OSTM1: variants seen among roughly 807,000 people sequenced by gnomAD.
OSTM1 encodes osteoclastogenesis associated transmembrane protein 1, also known as osteopetrosis-associated transmembrane protein 1.
Under a neutral mutation model 35.4 loss-of-function variants are expected in OSTM1, and 26 were observed. That is an observed-to-expected ratio of 0.73 (90% CI 0.54 to 1.02). The LOEUF (loss-of-function observed/expected upper bound fraction) is 1.02. Among genes scored for constraint, OSTM1 ranks in the 50% least tolerant of loss-of-function variants. The probability of loss-of-function intolerance (pLI) is 0.00; values close to 1 mark genes in which losing one functional copy is unlikely to be tolerated. For synonymous variants in OSTM1, 181 were observed against 165.0 expected (o/e 1.10, Z -0.75); for missense variants, 366 against 409.6 (o/e 0.89, Z 0.92).
At chr6:108,068,843 A>G (rs911453813) in intron 1 of OSTM1, among the ~76,000 whole-genome samples, 2 of 152,086 alleles carry the variant, frequency 1.3e-5, no homozygotes, top group African/African-American at 2.4e-5. Flanking sequence ...CAAAGTCTAA[A>G]ATCCTTAACA....
At position 108,064,213 on chromosome 6, in the gene OSTM1, A is replaced by C. The variant is rs780075878; in HGVS notation, c.489T>G (p.Asn163Lys). Residue 163 changes from asparagine (N) to lysine (K), a missense_variant, in exon 2 of 6, where the codon AAT becomes AAG. By Grantham distance (94) the Asn-to-Lys change is moderately conservative. Coordinates refer to ENST00000193322, the MANE Select transcript of OSTM1 (RefSeq NM_014028.4). The stretch of plus-strand genomic sequence containing the variant: ...CACAATTTGCCTCCTGCCATGTGGT[A>C]TTAAAAAATTCTGAGAGAATCACAA... ...QIVVILSEFF[N>K]TTWQEANCAN... 1 of 1,595,812 alleles carries C rather than the reference A, an allele frequency of 6.3e-7. No individual in the cohort carries two copies. Among genetic ancestry groups the C allele is most frequent in the East Asian group, 2.2e-5 (1 of 44,744 alleles).
chr6:108,049,140 CCTTTTAGGCTAATCT>C (rs1772031817), intron 5 of OSTM1, 98 bp downstream of exon 5: 2 of 708,912 alleles, frequency 2.8e-6, no homozygotes. Flanking sequence ...AGCAGAGAGT[CCTTTTAGGCTAATCT>C]ACTTTGAGTT....
At position 108,073,959 on chromosome 6, in the gene OSTM1, G is replaced by A. The variant is rs1385875836; in HGVS notation, c.402+291C>T. ...CTCCAGGTGAAGATGAGAAGAAGCCGTGGTGGAGTGGGTGGAGGAAGAGCA... is the reference window on the plus strand; with the variant it reads ...CTCCAGGTGAAGATGAGAAGAAGCCATGGTGGAGTGGGTGGAGGAAGAGCA... On this transcript the variant is annotated intron_variant, in intron 1 of 5. Transcript: ENST00000193322. 2.0e-5 allele frequency among the ~76,000 whole-genome samples: 3 copies of A among 152,242 alleles called. No individual in the cohort carries two copies. In the East Asian group the frequency reaches 5.8e-4, roughly 29 times the overall value.
intron 2 of OSTM1, among the ~76,000 whole-genome samples, chr6:108,059,374 A>G (rs1306143404): frequency 6.6e-6 from 1 of 152,158 alleles, no homozygotes; most frequent in Non-Finnish European, 1.5e-5. Context: ...CCTTCCATCA[A>G]TTTCCAATAA....
chr6:108,042,125 G>A lies in OSTM1; in HGVS notation c.*2660C>T, dbSNP rs1757216149. On this transcript the variant is annotated 3_prime_UTR_variant, in exon 6 of 6. Coordinates refer to ENST00000193322, the MANE Select transcript of OSTM1 (RefSeq NM_014028.4). The stretch of plus-strand genomic sequence containing the variant: ...GTAACATTTACCAACTAGACTCTGG[G>A]CTACACTTTAAAATATCTGATGTTC... 6.6e-6 allele frequency: 1 copy of A among 151,440 alleles called. No individual in the cohort carries two copies. Among genetic ancestry groups the A allele is most frequent in the African/African-American group, 2.4e-5 (1 of 41,242 alleles). The allele number at this position is 151,440 out of a possible 1,614,324, so 9.4% of individuals were successfully genotyped here.
In OSTM1 at chr6:108,054,536, A is replaced by G; in HGVS notation, c.569T>C (p.Leu190Pro). 1 of 1,576,206 alleles carries G rather than the reference A, an allele frequency of 6.3e-7. No homozygotes were observed. The part of the protein sequence containing the change: ...EELSNSTVYF[L>P]NLFNHTLTCF... ...GGTCAGGGTGTGATTAAATAGATTA[A>G]GGAAATATACTGTGCTGTTTGATAA... The change falls in exon 3 of 6, where the codon CTT (leucine) becomes CCT (proline). Residue 190 changes from leucine to proline, a missense_variant. Leu to Pro is a moderately conservative substitution (Grantham distance 98). Coordinates refer to ENST00000193322, the MANE Select transcript of OSTM1 (RefSeq NM_014028.4).
At position 108,074,301 on chromosome 6, in the gene OSTM1, G is replaced by A. The variant is rs776360383; in HGVS notation, c.351C>T (p.Pro117=). Residue 117 remains proline (P), a synonymous_variant, in exon 1 of 6, where the codon CCC becomes CCT. Coordinates refer to ENST00000193322, the MANE Select transcript of OSTM1 (RefSeq NM_014028.4). ...TCTTGCTGACGACCTGTTGGAAGAG[G>A]GGGTAGCAGGTCTGACAGAGGCGCA... is the stretch of plus-strand genomic sequence containing the variant. ...RPVRLCQTCY[P]LFQQVVSKMD... is the part of the protein sequence containing the mutation. The A allele has an allele frequency of 1.9e-6, 3 of 1,612,452 alleles. No individual in the cohort carries two copies. The highest frequency in any genetic ancestry group is 2.5e-6 in the Non-Finnish European group (3 of 1,179,930).
chr6:108,071,767 G>T (rs923148474), intron 1 of OSTM1, among the ~76,000 whole-genome samples: 2 of 152,080 alleles, frequency 1.3e-5, no homozygotes, highest in Non-Finnish European at 2.9e-5. Flanking sequence ...CCGAGACCAA[G>T]GCCTAGGATG....
At chr6:108,051,319 G>C (rs1483797531) in intron 3 of OSTM1, 121 bp from the exon 4 acceptor site, 1 of 704,672 alleles carries the variant, frequency 1.4e-6, no homozygotes. Context: ...GTGCTAAGCT[G>C]TGATGTTGAG....
intron 2 of OSTM1, among the ~76,000 whole-genome samples, chr6:108,062,983 G>GCCCA (rs1189267889): frequency 2.5e-5 from 1 of 39,798 alleles, no homozygotes; most frequent in African/African-American, 1.3e-4. Flanking sequence ...TTATACCTCT[G>GCCCA]TGACTACCTG....
intron 2 of OSTM1, among the ~76,000 whole-genome samples, chr6:108,057,720 A>G (rs1187649238): frequency 1.3e-5 from 2 of 152,238 alleles, no homozygotes; most frequent in Admixed American, 6.5e-5. Flanking sequence ...TAAAGCATAA[A>G]GCAGTTCATT....
chr6:108,045,827 T>C (rs1017943568), intron 5 of OSTM1, among the ~76,000 whole-genome samples: 3 of 152,100 alleles, frequency 2.0e-5, no homozygotes, highest in African/African-American at 4.8e-5. Flanking sequence ...GAGTATTTTA[T>C]ACTGAGTAAC....
intron 5 of OSTM1, among the ~76,000 whole-genome samples, chr6:108,047,091 G>A (rs554615929): frequency 6.6e-6 from 1 of 152,292 alleles, no homozygotes; most frequent in East Asian, 1.9e-4. Flanking sequence ...TGAAAAAGAT[G>A]ATTTAAATAA....
intron 1 of OSTM1, among the ~76,000 whole-genome samples, chr6:108,068,854 T>C (rs376612926): frequency 3.3e-5 from 5 of 152,322 alleles, no homozygotes; most frequent in African/African-American, 1.2e-4. Flanking sequence ...ATCCTTAACA[T>C]ACCCTACAAG....
At chr6:108,064,350 G>A (rs1772340901) in intron 1 of OSTM1, 51 bp from the exon 2 acceptor site, 1 of 1,036,586 alleles carries the variant, frequency 9.6e-7, no homozygotes. Context: ...TTCAGACTTT[G>A]CAAACAACTT....
chr6:108,067,150 A>G (rs1412844474), intron 1 of OSTM1, among the ~76,000 whole-genome samples: 3 of 148,424 alleles, frequency 2.0e-5, no homozygotes, highest in Non-Finnish European at 3.0e-5. Flanking sequence ...CGCTATTTCA[A>G]ATCCTCTCCA....
chr6:108,074,250 C>A lies in OSTM1; in HGVS notation c.402G>T (p.Gly134=), dbSNP rs756543322. Reference sequence around the variant, plus strand: ...GTCCCGGACGTGGTCCTGTACCCACCCCCGCGGCTCGGCTGATGTTGTCCA... The same window carrying A: ...GTCCCGGACGTGGTCCTGTACCCACACCCGCGGCTCGGCTGATGTTGTCCA... ...SKMDNISRAA[G]NTSESQSCAR... Residue 134 remains glycine, a splice_region_variant and synonymous_variant, in exon 1 of 6, where the codon GGG becomes GGT. Transcript: ENST00000193322. The A allele has an allele frequency of 4.3e-6, 7 of 1,611,982 alleles. No individual in the cohort carries two copies. Among genetic ancestry groups the A allele is most frequent in the Non-Finnish European group, 5.9e-6 (7 of 1,179,948 alleles).
In OSTM1 at chr6:108,074,717, G is replaced by A. The variant is rs1035104925; in HGVS notation, c.-66C>T. The A allele has an allele frequency of 7.7e-6, 11 of 1,426,202 alleles. No homozygotes were observed. The highest frequency in any genetic ancestry group is 9.1e-6 in the Non-Finnish European group (10 of 1,094,912). The allele number at this position is 1,426,202 out of a possible 1,614,324, so 88.3% of individuals were successfully genotyped here. ...CCGCCCCCAGCCGGCACCGCGGACA[G>A]CCGCCGCTTCCGGTTTCCGCGAGCG... On this transcript the variant is annotated 5_prime_UTR_variant, in exon 1 of 6. Coordinates refer to ENST00000193322, the MANE Select transcript of OSTM1 (RefSeq NM_014028.4).
In OSTM1 at chr6:108,042,579, C is replaced by T. The variant is rs1282066055; in HGVS notation, c.*2206G>A. The T allele has an allele frequency of 2.6e-5, 4 of 151,986 alleles. No homozygotes were observed. The highest frequency in any genetic ancestry group is 1.3e-4 in the Admixed American group (2 of 15,256). 9.4% of individuals were successfully genotyped at this position (151,986 alleles called of 1,614,324 possible). On this transcript the variant is annotated 3_prime_UTR_variant, in exon 6 of 6. Transcript: ENST00000193322. ...TACAGGCACTTACCACCATACCCAGCTAATTTTTGTATTTTTTGCAGAGAC... is the reference window on the plus strand; with the variant it reads ...TACAGGCACTTACCACCATACCCAGTTAATTTTTGTATTTTTTGCAGAGAC...
Sources: allele counts gnomAD v4.1 joint callset (sites outside exome capture counted in the v4.1 genomes callset), GRCh38; gene constraint gnomAD v4.1.1; transcripts MANE v1.5; gene names NCBI Gene and HGNC (gene_info 2026-07-23, HGNC 2026-07-21).